The following SDK1 variants were observed in gnomAD, a reference collection of about 807,000 sequenced individuals.
The protein encoded by SDK1 is protein sidekick-1.
SDK1 carries 157 observed loss-of-function variants against 245.5 expected under a neutral mutation model. That is an observed-to-expected ratio of 0.64 (90% CI 0.56 to 0.73). The LOEUF (loss-of-function observed/expected upper bound fraction) is 0.73, where lower values mean the gene tolerates loss of function less well. Among genes scored for constraint, SDK1 ranks in the 30% least tolerant of loss-of-function variants. The probability of loss-of-function intolerance (pLI) is 0.00; values close to 1 mark genes in which losing one functional copy is unlikely to be tolerated. For synonymous variants in SDK1, 1,647 were observed against 1,278.5 expected, an observed-to-expected ratio of 1.29 and a Z score of -6.15; for missense variants, 3,583 against 3,002.3, an observed-to-expected ratio of 1.19 and a Z score of -4.52.
chr7:3,644,784 AAAAAAAAAC>A (rs1362000802), intron 4 of SDK1, among the ~76,000 whole-genome samples: 9 of 141,280 alleles, frequency 6.4e-5, no homozygotes, highest in African/African-American at 2.1e-4. Flanking sequence ...AAAAAAAAAA[AAAAAAAAAC>A]AAAAAACAAC....
At chr7:3,750,755 C>G (rs539786574) in intron 4 of SDK1, among the ~76,000 whole-genome samples, 3 of 152,288 alleles carry the variant, frequency 2.0e-5, no homozygotes, top group Admixed American at 6.5e-5. Context: ...TTTGGCCATG[C>G]AAAGAATCTT....
intron 1 of SDK1, among the ~76,000 whole-genome samples, chr7:3,353,134 A>G (rs1251400477): frequency 6.6e-6 from 1 of 152,078 alleles, no homozygotes; most frequent in East Asian, 1.9e-4. Context: ...GTTTCCTGTT[A>G]TCATTGTTCC....
At position 3,527,061 on chromosome 7, in the gene SDK1, C is replaced by G. The variant is rs563778273; in HGVS notation, c.299-92019C>G. Among the ~76,000 whole-genome samples the G allele has an allele frequency of 4.6e-5, 7 of 152,234 alleles. No individual in the cohort carries two copies. In the South Asian group the frequency reaches 1.5e-3, roughly 32 times the overall value. On this transcript the variant is annotated intron_variant, in intron 1 of 44. Coordinates refer to ENST00000404826, the MANE Select transcript of SDK1 (RefSeq NM_152744.4). Reference sequence around the variant, plus strand: ...CTGGTTTGGTCTGCTCTTGATAGTGCTAGTGGTCACCAGCCCTGCTATTTT... The same window carrying G: ...CTGGTTTGGTCTGCTCTTGATAGTGGTAGTGGTCACCAGCCCTGCTATTTT...
intron 5 of SDK1, among the ~76,000 whole-genome samples, chr7:3,854,345 A>G (rs1205637170): frequency 6.6e-6 from 1 of 152,212 alleles, no homozygotes; most frequent in African/African-American, 2.4e-5. Context: ...TAATGTAACA[A>G]TACATACCTT....
At chr7:3,752,438 C>T (rs1010766786) in intron 4 of SDK1, among the ~76,000 whole-genome samples, 1 of 152,118 alleles carries the variant, frequency 6.6e-6, no homozygotes, top group Non-Finnish European at 1.5e-5. Context: ...GAATTAAATG[C>T]AAACAAGATG....
chr7:3,494,597 C>A (rs984625366), intron 1 of SDK1, among the ~76,000 whole-genome samples: 1 of 152,176 alleles, frequency 6.6e-6, no homozygotes, highest in African/African-American at 2.4e-5. Flanking sequence ...ACCTTAAGTA[C>A]TTAGCATTTA....
chr7:3,752,513 G>C (rs1322303688), intron 4 of SDK1, among the ~76,000 whole-genome samples: 5 of 152,076 alleles, frequency 3.3e-5, no homozygotes, highest in Non-Finnish European at 7.4e-5. Flanking sequence ...TTAAACTCTT[G>C]GTCAAAGTGA....
intron 1 of SDK1, among the ~76,000 whole-genome samples, chr7:3,325,943 T>A (rs890391849): frequency 1.3e-5 from 2 of 152,074 alleles, no homozygotes; most frequent in Admixed American, 6.5e-5. Context: ...CCATCTCGCT[T>A]GGTTGTATCC....
chr7:4,203,904 G>C (rs1275537169), intron 35 of SDK1, among the ~76,000 whole-genome samples: 1 of 152,262 alleles, frequency 6.6e-6, no homozygotes, highest in African/African-American at 2.4e-5. Flanking sequence ...CGGCAGTGCG[G>C]CTCAGCTGCC....
At position 3,410,578 on chromosome 7, in the gene SDK1, C is replaced by CTTTT. The variant is rs776277920; in HGVS notation, c.298+108716_298+108719dup. 3.6e-3 allele frequency among the ~76,000 whole-genome samples: 293 copies of CTTTT among 82,054 alleles called. 12 individuals carry two copies. Among genetic ancestry groups the CTTTT allele is most frequent in the South Asian group, 6.3e-3 (13 of 2,066 alleles). 53.8% of individuals were successfully genotyped at this position (82,054 alleles called of 152,430 possible). A position where few individuals can be genotyped will look rare whatever the true frequency, so the allele number is the denominator to read the frequency against. On this transcript the variant is annotated intron_variant, in intron 1 of 44. Transcript: ENST00000404826. ...TCATAAGTGGCAGGTGAAATGATAT[C>CTTTT]TTTTTTTTTTTTTTTTTTTTTTTTT... is the stretch of plus-strand genomic sequence containing the variant.
intron 1 of SDK1, among the ~76,000 whole-genome samples, chr7:3,392,013 A>G (rs1224870872): frequency 1.3e-5 from 2 of 151,080 alleles, no homozygotes; most frequent in Non-Finnish European, 2.9e-5. Flanking sequence ...CTTAAATGCA[A>G]CAAAGACCAT....
chr7:4,154,735 C>A (rs1288174846), intron 30 of SDK1, among the ~76,000 whole-genome samples: 1 of 152,174 alleles, frequency 6.6e-6, no homozygotes, highest in East Asian at 1.9e-4. Context: ...CTCTGAGACA[C>A]TGACTTGCTC....
At chr7:4,073,935 C>G (rs1445128721) in intron 20 of SDK1, among the ~76,000 whole-genome samples, 1 of 151,374 alleles carries the variant, frequency 6.6e-6, no homozygotes, top group Non-Finnish European at 1.5e-5. Context: ...AGGCCCCTCT[C>G]CCAGTTCCTC....
chr7:3,539,175 G>C (rs1778982570), intron 1 of SDK1, among the ~76,000 whole-genome samples: 2 of 152,260 alleles, frequency 1.3e-5, no homozygotes, highest in Admixed American at 1.3e-4. Context: ...CCCAAGTTAG[G>C]GGCTGTGGGG....
chr7:3,995,792 C>A (rs1784657597), intron 14 of SDK1, among the ~76,000 whole-genome samples: 1 of 150,150 alleles, frequency 6.7e-6, no homozygotes, highest in South Asian at 2.1e-4. Flanking sequence ...TTTTCTTTGC[C>A]CCATTTATCT....
At chr7:3,543,497 G>A (rs550672288) in intron 1 of SDK1, among the ~76,000 whole-genome samples, 4 of 152,348 alleles carry the variant, frequency 2.6e-5, no homozygotes, top group South Asian at 4.1e-4. Context: ...TGGTCTGCTC[G>A]TGGCTGGTAA....
At chr7:3,464,805 G>A (rs924517760) in intron 1 of SDK1, among the ~76,000 whole-genome samples, 3 of 151,448 alleles carry the variant, frequency 2.0e-5, no homozygotes, top group African/African-American at 7.3e-5. Context: ...CACTAATGTC[G>A]GGACAGTCTT....
At chr7:3,749,728 G>C (rs1779724286) in intron 4 of SDK1, among the ~76,000 whole-genome samples, 2 of 152,194 alleles carry the variant, frequency 1.3e-5, no homozygotes. Flanking sequence ...TGCAGAGAGA[G>C]AGAGAAAGCA....
intron 1 of SDK1, among the ~76,000 whole-genome samples, chr7:3,572,203 G>T (rs1001760581): frequency 1.3e-5 from 2 of 152,054 alleles, no homozygotes; most frequent in Non-Finnish European, 2.9e-5. Context: ...CTACCTGGAA[G>T]TAACTCACAT....
Sources: gnomAD v4.1 joint callset for allele counts (sites outside exome capture counted in the v4.1 genomes callset) on GRCh38, gnomAD v4.1.1 for gene constraint, MANE v1.5 for transcripts, NCBI Gene and HGNC (gene_info 2026-07-23, HGNC 2026-07-21) for gene names.